Variants in FOXN3 observed in about 807,000 individuals in gnomAD.
FOXN3 encodes the protein forkhead box protein N3.
FOXN3 carries 7 observed loss-of-function variants against 38.4 expected under a neutral mutation model. The observed-to-expected ratio is 0.18, with a 90% CI of 0.10 to 0.34. The LOEUF is 0.34. Among genes scored for constraint, FOXN3 ranks in the 10% least tolerant of loss-of-function variants. The probability of loss-of-function intolerance (pLI) is 1.00; values close to 1 mark genes in which losing one functional copy is unlikely to be tolerated. For synonymous variants in FOXN3, 230 were observed against 242.2 expected (o/e 0.95, Z 0.47); for missense variants, 456 against 613.4 (o/e 0.74, Z 2.71).
intron 3 of FOXN3, among the ~76,000 whole-genome samples, chr14:89,341,128 G>C (rs1210540262): frequency 6.6e-6 from 1 of 152,108 alleles, no homozygotes; most frequent in Non-Finnish European, 1.5e-5. Context: ...ATCTTGGGAC[G>C]ACCCTGGCAG....
At chr14:89,473,168 G>A (rs1411299664) in intron 1 of FOXN3, among the ~76,000 whole-genome samples, 2 of 151,928 alleles carry the variant, frequency 1.3e-5, no homozygotes, top group African/African-American at 4.8e-5. Context: ...GGGACTACAG[G>A]CGCCTCCCAC....
At chr14:89,288,683 T>C (rs867030086) in intron 3 of FOXN3, among the ~76,000 whole-genome samples, 3 of 79,788 alleles carry the variant, frequency 3.8e-5, no homozygotes, top group African/African-American at 1.8e-4. Context: ...TCTCTCTCTC[T>C]CTCTCTCTCT....
At chr14:89,352,287 C>T (rs1357579004) in intron 2 of FOXN3, among the ~76,000 whole-genome samples, 1 of 152,226 alleles carries the variant, frequency 6.6e-6, no homozygotes, top group Non-Finnish European at 1.5e-5. Context: ...TTCACGCACA[C>T]ATTCTCAAAC....
At chr14:89,245,290 G>A (rs1043434765) in intron 4 of FOXN3, among the ~76,000 whole-genome samples, 1 of 152,072 alleles carries the variant, frequency 6.6e-6, no homozygotes, top group Admixed American at 6.6e-5. Context: ...TCTTCCTGAC[G>A]CTCCACGGAT....
chr14:89,538,667 C>T (rs243219), intron 1 of FOXN3, among the ~76,000 whole-genome samples: 81,389 of 151,266 alleles, frequency 0.54, 22,594 homozygotes, highest in African/African-American at 0.61. Context: ...TACAGGCATG[C>T]GCCACCACGC....
At chr14:89,187,622 C>G (rs1887841524) in intron 4 of FOXN3, among the ~76,000 whole-genome samples, 1 of 152,206 alleles carries the variant, frequency 6.6e-6, no homozygotes, top group African/African-American at 2.4e-5. Context: ...AGGCAAAGGA[C>G]TGCCTCAAAT....
At chr14:89,590,294 C>T (rs1325269777) in intron 1 of FOXN3, among the ~76,000 whole-genome samples, 3 of 151,968 alleles carry the variant, frequency 2.0e-5, no homozygotes, top group Non-Finnish European at 4.4e-5. Flanking sequence ...GGAGAGTTAA[C>T]GTTAACCCAC....
intron 1 of FOXN3, among the ~76,000 whole-genome samples, chr14:89,612,421 T>C (rs1483946911): frequency 2.0e-5 from 3 of 152,144 alleles, no homozygotes; most frequent in Non-Finnish European, 2.9e-5. Flanking sequence ...TATTAAGTAG[T>C]CCTTATAGAG....
intron 5 of FOXN3, among the ~76,000 whole-genome samples, chr14:89,178,039 A>C (rs1887568714): frequency 6.6e-6 from 1 of 151,312 alleles, no homozygotes; most frequent in Non-Finnish European, 1.5e-5. Flanking sequence ...ACATGGTCTC[A>C]CTCTGTCACC....
chr14:89,350,619 G>A, intron 3 of FOXN3, 53 bp downstream of exon 3: 2 of 1,404,378 alleles, frequency 1.4e-6, no homozygotes. Flanking sequence ...GCAGGTCTCT[G>A]CCAAAATAAT....
chr14:89,282,463 G>A (rs570987352), intron 3 of FOXN3, among the ~76,000 whole-genome samples: 7 of 152,260 alleles, frequency 4.6e-5, no homozygotes, highest in Admixed American at 2.0e-4. Context: ...ATTGCTCTTC[G>A]ATTGGATTCT....
chr14:89,418,917 A>G (rs1257566768), upstream of FOXN3, among the ~76,000 whole-genome samples: 2 of 151,204 alleles, frequency 1.3e-5, no homozygotes, highest in Non-Finnish European at 2.9e-5. Context: ...TTCCTCTTCC[A>G]TCCCCAGCCC....
At chr14:89,433,561 T>C (rs1236728761) in intron 1 of FOXN3, among the ~76,000 whole-genome samples, 1 of 151,834 alleles carries the variant, frequency 6.6e-6, no homozygotes, top group Non-Finnish European at 1.5e-5. Context: ...TCCGAGCACT[T>C]CAGGAGGTTA....
At chr14:89,184,469 C>T (rs988868436) in intron 4 of FOXN3, among the ~76,000 whole-genome samples, 2 of 152,202 alleles carry the variant, frequency 1.3e-5, no homozygotes, top group Non-Finnish European at 2.9e-5. Flanking sequence ...GCATGGCCAG[C>T]AGAGAGGAAA....
At chr14:89,486,157 G>T (rs384740) in intron 1 of FOXN3, among the ~76,000 whole-genome samples, 34,088 of 152,100 alleles carry the variant, frequency 0.22, 4,123 homozygotes, top group East Asian at 0.41. Context: ...ACACACAACA[G>T]ATACTCAATA....
Position 89,312,154 on chromosome 14 carries a change from G to A in FOXN3, c.681-31140C>T, listed in dbSNP as rs140103326. Among the ~76,000 whole-genome samples, 227 of 150,790 alleles carry A rather than the reference G, an allele frequency of 1.5e-3. 3 individuals carry two copies. The East Asian group carries it at 0.034, about 23-fold the overall frequency. On this transcript the variant is annotated intron_variant, in intron 3 of 5. Coordinates refer to ENST00000557258, the MANE Select transcript of FOXN3 (RefSeq NM_005197.4). Reference sequence around the variant, plus strand: ...ACAAAAAGTAGCTGGGTGTGGTGGCGGGCACCTGTAATCCCAGCTACTCGG... The same window carrying A: ...ACAAAAAGTAGCTGGGTGTGGTGGCAGGCACCTGTAATCCCAGCTACTCGG...
chr14:89,524,297 C>T (rs1894382391), intron 1 of FOXN3, among the ~76,000 whole-genome samples: 1 of 135,592 alleles, frequency 7.4e-6, no homozygotes, highest in Non-Finnish European at 1.5e-5. Context: ...TGGTGTGAAA[C>T]CCGGGGGGCA....
chr14:89,313,252 G>A (rs937004704), intron 3 of FOXN3, among the ~76,000 whole-genome samples: 4 of 152,214 alleles, frequency 2.6e-5, no homozygotes, highest in African/African-American at 9.6e-5. Context: ...AGTAAAAAAA[G>A]AGTACTGTGT....
chr14:89,333,966 GTATATATATATATATATATA>G (rs71130055), intron 3 of FOXN3, among the ~76,000 whole-genome samples: 9,071 of 131,498 alleles, frequency 0.069, 900 homozygotes, highest in African/African-American at 0.22. Context: ...AATGTGGTGT[GTATATATATATATATATATA>G]TATATATATA....
Sources: allele counts gnomAD v4.1 joint callset (sites outside exome capture counted in the v4.1 genomes callset), GRCh38; gene constraint gnomAD v4.1.1; transcripts MANE v1.5; gene names NCBI Gene and HGNC (gene_info 2026-07-23, HGNC 2026-07-21).